ARHGEF4: variants seen among roughly 807,000 people sequenced by gnomAD.
The protein encoded by ARHGEF4 is Rho guanine nucleotide exchange factor 4.
Under a neutral mutation model 162.0 loss-of-function variants are expected in ARHGEF4, and 119 were observed. That is an observed-to-expected ratio of 0.73 (90% CI 0.63 to 0.86). The LOEUF (loss-of-function observed/expected upper bound fraction) is 0.86, where lower values mean the gene tolerates loss of function less well. Among genes scored for constraint, ARHGEF4 ranks in the 40% least tolerant of loss-of-function variants. ARHGEF4 has a pLI of 0.00. For missense variants in ARHGEF4, 2,488 were observed against 2,456.0 expected (o/e 1.01, Z -0.28); for synonymous variants, 1,014 against 979.9 (o/e 1.03, Z -0.65).
At chr2:130,967,271 T>C (rs1261148745) in intron 4 of ARHGEF4, among the ~76,000 whole-genome samples, 1 of 152,224 alleles carries the variant, frequency 6.6e-6, no homozygotes, top group Non-Finnish European at 1.5e-5. Context: ...CTTTGAGGCA[T>C]AATCCGAACA....
At chr2:130,980,129 G>T (rs541867859) in intron 4 of ARHGEF4, among the ~76,000 whole-genome samples, 2 of 152,272 alleles carry the variant, frequency 1.3e-5, no homozygotes, top group East Asian at 1.9e-4. Flanking sequence ...GGGCATGGTG[G>T]CTCATGCTTG....
intron 5 of ARHGEF4, among the ~76,000 whole-genome samples, chr2:131,029,082 C>G (rs73000355): frequency 6.6e-6 from 1 of 151,742 alleles, no homozygotes; most frequent in Non-Finnish European, 1.5e-5. Flanking sequence ...TCATTAAGGG[C>G]GGGCATGGTG....
chr2:131,032,653 T>C (rs1231068836), intron 5 of ARHGEF4, among the ~76,000 whole-genome samples: 1 of 151,286 alleles, frequency 6.6e-6, no homozygotes, highest in Non-Finnish European at 1.5e-5. Flanking sequence ...CCTCTTCCCT[T>C]TGTCCTCCCA....
At chr2:131,020,650 T>A (rs1414094371) in intron 4 of ARHGEF4, among the ~76,000 whole-genome samples, 4 of 151,982 alleles carry the variant, frequency 2.6e-5, no homozygotes, top group Non-Finnish European at 5.9e-5. Flanking sequence ...TGCAATAAAC[T>A]TACCTGTGCA....
At chr2:130,967,919 T>A (rs1289554417) in intron 4 of ARHGEF4, among the ~76,000 whole-genome samples, 1 of 152,226 alleles carries the variant, frequency 6.6e-6, no homozygotes, top group Non-Finnish European at 1.5e-5. Context: ...TGGACGATGC[T>A]TCAGTCACTC....
At chr2:130,869,458 A>T (rs1450418318) in intron 1 of ARHGEF4, among the ~76,000 whole-genome samples, 1 of 152,298 alleles carries the variant, frequency 6.6e-6, no homozygotes, top group Admixed American at 6.5e-5. Context: ...GTTACCCCTG[A>T]GATAAGCAGG....
At chr2:130,907,156 G>A (rs1304062090) in intron 1 of ARHGEF4, among the ~76,000 whole-genome samples, 3 of 150,918 alleles carry the variant, frequency 2.0e-5, no homozygotes, top group Non-Finnish European at 4.4e-5. Context: ...CTTTCACTTA[G>A]CAAAATGCAC....
intron 1 of ARHGEF4, among the ~76,000 whole-genome samples, chr2:130,864,836 T>C (rs1430784250): frequency 2.6e-5 from 4 of 152,252 alleles, no homozygotes; most frequent in Non-Finnish European, 5.9e-5. Context: ...TTCAATTGTC[T>C]ACTTTAAGTG....
At chr2:131,005,574 G>A (rs1005610428) in intron 4 of ARHGEF4, among the ~76,000 whole-genome samples, 22 of 152,184 alleles carry the variant, frequency 1.4e-4, no homozygotes, top group Non-Finnish European at 2.9e-4. Flanking sequence ...AGAAAAGCTG[G>A]GACCCTGGAG....
chr2:130,842,528 C>T (rs1225968126), intron 1 of ARHGEF4, among the ~76,000 whole-genome samples: 1 of 152,204 alleles, frequency 6.6e-6, no homozygotes, highest in Non-Finnish European at 1.5e-5. Flanking sequence ...GTAGCAAGCG[C>T]ACCCGGCAGT....
intron 4 of ARHGEF4, among the ~76,000 whole-genome samples, chr2:130,952,242 G>A (rs1488486418): frequency 6.6e-6 from 1 of 151,854 alleles, no homozygotes; most frequent in African/African-American, 2.4e-5. Flanking sequence ...TGTTTATCTG[G>A]GAAAATCCTT....
chr2:131,025,323 C>T (rs534627252), intron 4 of ARHGEF4, among the ~76,000 whole-genome samples: 2 of 152,280 alleles, frequency 1.3e-5, no homozygotes, highest in South Asian at 2.1e-4. Flanking sequence ...GGGGGAAATC[C>T]GCCCCCATGA....
chr2:130,924,509 G>A (rs762965859), intron 2 of ARHGEF4, among the ~76,000 whole-genome samples: 7 of 152,212 alleles, frequency 4.6e-5, no homozygotes, highest in Admixed American at 2.6e-4. Context: ...CTTGTGATCC[G>A]CCCAGACCGT....
chr2:131,012,496 G>A lies in ARHGEF4; in HGVS notation c.3986-15449G>A, dbSNP rs1688519728. Reference sequence around the variant, plus strand: ...TTGCAAAGCCACAGGCCTCAGAGTGGGGATGCCTTTCACTGTGAAATCCCA... The same window carrying A: ...TTGCAAAGCCACAGGCCTCAGAGTGAGGATGCCTTTCACTGTGAAATCCCA... On this transcript the variant is annotated intron_variant, in intron 4 of 13. Coordinates refer to ENST00000409359, the MANE Select transcript of ARHGEF4 (RefSeq NM_001367493.1). 2.6e-5 allele frequency among the ~76,000 whole-genome samples: 4 copies of A among 151,962 alleles called. No individual in the cohort carries two copies. The South Asian group carries it at 6.2e-4, about 24-fold the overall frequency.
At chr2:130,967,330 C>G (rs531373390) in intron 4 of ARHGEF4, among the ~76,000 whole-genome samples, 2 of 152,172 alleles carry the variant, frequency 1.3e-5, no homozygotes, top group Non-Finnish European at 2.9e-5. Context: ...CTTTCTGCCC[C>G]GCTGTTCTCA....
intron 4 of ARHGEF4, among the ~76,000 whole-genome samples, chr2:130,992,778 G>T (rs1328748667): frequency 6.6e-6 from 1 of 152,158 alleles, no homozygotes; most frequent in African/African-American, 2.4e-5. Flanking sequence ...TATTATTCAA[G>T]AGTGAGGTTA....
At chr2:130,848,207 G>A (rs929628160) in intron 1 of ARHGEF4, among the ~76,000 whole-genome samples, 1 of 152,180 alleles carries the variant, frequency 6.6e-6, no homozygotes, top group African/African-American at 2.4e-5. Context: ...GCAGGCCTGT[G>A]GGGAGAGGCG....
intron 1 of ARHGEF4, among the ~76,000 whole-genome samples, chr2:130,864,155 C>T (rs1369757967): frequency 6.6e-6 from 1 of 150,988 alleles, no homozygotes. Context: ...CACTGCTCTC[C>T]AGCCTGGGCG....
intron 1 of ARHGEF4, among the ~76,000 whole-genome samples, chr2:130,896,630 G>A (rs894408759): frequency 1.3e-5 from 2 of 152,212 alleles, no homozygotes; most frequent in Non-Finnish European, 2.9e-5. Context: ...TGCAGAGAGT[G>A]GAGCTGAGCC....
Sources: gnomAD v4.1 joint callset for allele counts (sites outside exome capture counted in the v4.1 genomes callset) on GRCh38, gnomAD v4.1.1 for gene constraint, MANE v1.5 for transcripts, NCBI Gene and HGNC (gene_info 2026-07-23, HGNC 2026-07-21) for gene names.